The following DCC variants were observed in gnomAD, a reference collection of about 807,000 sequenced individuals.
The protein encoded by DCC is netrin receptor DCC.
DCC carries 58 observed loss-of-function variants against 172.5 expected under a neutral mutation model. The observed-to-expected ratio is 0.34, with a 90% CI of 0.27 to 0.42. DCC has a LOEUF of 0.42. Among genes scored for constraint, DCC ranks in the 10% least tolerant of loss-of-function variants. The probability of loss-of-function intolerance (pLI) is 1.00; values close to 1 mark genes in which losing one functional copy is unlikely to be tolerated. For missense variants in DCC, 1,740 were observed against 1,791.0 expected (o/e 0.97, Z 0.51); for synonymous variants, 709 against 644.5 (o/e 1.10, Z -1.52).
At chr18:53,466,089 A>G (rs572180132) in intron 24 of DCC, among the ~76,000 whole-genome samples, 80 of 152,202 alleles carry the variant, frequency 5.3e-4, no homozygotes, top group African/African-American at 1.9e-3. Flanking sequence ...TAATGTTGCC[A>G]CTTTATTTCT....
chr18:53,448,037 A>T (rs2055447), intron 22 of DCC, among the ~76,000 whole-genome samples: 5 of 145,748 alleles, frequency 3.4e-5, no homozygotes, highest in Admixed American at 6.8e-5. Context: ...ATTTATTTAA[A>T]TTTTGATGAG....
chr18:53,382,106 C>CACACA (rs1907807689), intron 15 of DCC, among the ~76,000 whole-genome samples: 1 of 25,836 alleles, frequency 3.9e-5, no homozygotes, highest in African/African-American at 9.4e-5. Flanking sequence ...ACACACACAC[C>CACACA]CCTACCTCCT....
chr18:53,157,320 C>A (rs371578421), intron 7 of DCC, 36 bp from the exon 8 acceptor site: 1 of 1,613,416 alleles, frequency 6.2e-7, no homozygotes, highest in Non-Finnish European at 8.5e-7. Context: ...CCTATGGCAG[C>A]GACACCTCTG....
chr18:53,219,942 G>C (rs543175118), intron 12 of DCC, among the ~76,000 whole-genome samples: 1 of 152,240 alleles, frequency 6.6e-6, no homozygotes, highest in African/African-American at 2.4e-5. Flanking sequence ...TGTATTATGG[G>C]ATAACTGCAG....
chr18:52,788,164 TA>T (rs1270073657), intron 2 of DCC, among the ~76,000 whole-genome samples: 2 of 152,226 alleles, frequency 1.3e-5, no homozygotes, highest in African/African-American at 4.8e-5. Context: ...TGTTTAGCTT[TA>T]TTATATCAAA....
intron 14 of DCC, among the ~76,000 whole-genome samples, chr18:53,337,742 G>T (rs1388455072): frequency 6.6e-6 from 1 of 152,142 alleles, no homozygotes; most frequent in African/African-American, 2.4e-5. Context: ...TACCTATTTT[G>T]AAAACTTTAA....
intron 13 of DCC, among the ~76,000 whole-genome samples, chr18:53,313,755 G>A (rs150588349): frequency 4.7e-4 from 71 of 152,256 alleles, no homozygotes; most frequent in African/African-American, 1.6e-3. Flanking sequence ...TGTCTCTCTT[G>A]GGTTCTAGCA....
chr18:52,582,739 A>G (rs576718108), intron 1 of DCC, among the ~76,000 whole-genome samples: 4 of 152,274 alleles, frequency 2.6e-5, no homozygotes, highest in South Asian at 2.1e-4. Flanking sequence ...AAGTTCCTCA[A>G]ATGGGAATAC....
At chr18:52,542,749 G>T (rs1232973525) in intron 1 of DCC, among the ~76,000 whole-genome samples, 1 of 152,018 alleles carries the variant, frequency 6.6e-6, no homozygotes, top group African/African-American at 2.4e-5. Flanking sequence ...TGAGGCAGGA[G>T]AATCACTTGA....
At chr18:53,380,598 G>A (rs544807249) in intron 15 of DCC, among the ~76,000 whole-genome samples, 1 of 152,268 alleles carries the variant, frequency 6.6e-6, no homozygotes, top group East Asian at 1.9e-4. Context: ...ATGTTTATGA[G>A]CAGTTAAAGT....
In DCC at chr18:52,974,378, A is replaced by G. The variant is rs540687654; in HGVS notation, c.985+49008A>G. ...AGGTCCATTCCAGCTTTAACAAGCTATTAATGAAATGTTGATTGTCAAACA... is the reference window on the plus strand; with the variant it reads ...AGGTCCATTCCAGCTTTAACAAGCTGTTAATGAAATGTTGATTGTCAAACA... On this transcript the variant is annotated intron_variant, in intron 5 of 28. Transcript: ENST00000442544. Among the ~76,000 whole-genome samples the G allele has an allele frequency of 1.1e-4, 16 of 152,336 alleles. 1 individual carries two copies. In the East Asian group the frequency reaches 2.5e-3, roughly 24 times the overall value.
chr18:52,561,047 G>A (rs1298424088), intron 1 of DCC, among the ~76,000 whole-genome samples: 2 of 151,944 alleles, frequency 1.3e-5, no homozygotes, highest in Admixed American at 1.3e-4. Context: ...GATGTTTGGT[G>A]TTATTCAATA....
intron 2 of DCC, among the ~76,000 whole-genome samples, chr18:52,810,135 T>A (rs1025031641): frequency 6.6e-6 from 1 of 152,146 alleles, no homozygotes; most frequent in Non-Finnish European, 1.5e-5. Context: ...TGGATATAGT[T>A]TACAAAAAGT....
chr18:52,582,002 C>T (rs1032594540), intron 1 of DCC, among the ~76,000 whole-genome samples: 5 of 152,102 alleles, frequency 3.3e-5, no homozygotes, highest in Admixed American at 6.6e-5. Context: ...TATCTTCTAC[C>T]GTATGCAACT....
chr18:52,733,117 C>T (rs2036671697), intron 1 of DCC, among the ~76,000 whole-genome samples: 1 of 152,096 alleles, frequency 6.6e-6, no homozygotes, highest in African/African-American at 2.4e-5. Context: ...AAGCATCAAA[C>T]TCACCACTAT....
intron 1 of DCC, among the ~76,000 whole-genome samples, chr18:52,549,355 T>C (rs2032700449): frequency 6.6e-6 from 1 of 152,062 alleles, no homozygotes; most frequent in African/African-American, 2.4e-5. Context: ...AACCAGCTCC[T>C]TCTATCACAT....
At chr18:53,428,081 TATA>T (rs1205474102) in intron 21 of DCC, among the ~76,000 whole-genome samples, 3 of 17,178 alleles carry the variant, frequency 1.7e-4, no homozygotes, top group African/African-American at 3.2e-4. Flanking sequence ...TATAATATAT[TATA>T]ATAATATATA....
At chr18:52,426,296 A>ATT (rs59755014) in intron 1 of DCC, among the ~76,000 whole-genome samples, 17,528 of 141,930 alleles carry the variant, frequency 0.12, 1,341 homozygotes, top group Admixed American at 0.18. Context: ...TAGTGCCAGA[A>ATT]TTTTTTTTTT....
At chr18:52,747,619 A>G (rs1048097451) in intron 1 of DCC, among the ~76,000 whole-genome samples, 1 of 152,180 alleles carries the variant, frequency 6.6e-6, no homozygotes, top group Non-Finnish European at 1.5e-5. Context: ...AGTTATTTCT[A>G]CTTCTTGTCT....
Sources: gnomAD v4.1 joint callset for allele counts (sites outside exome capture counted in the v4.1 genomes callset) on GRCh38, gnomAD v4.1.1 for gene constraint, MANE v1.5 for transcripts, NCBI Gene and HGNC (gene_info 2026-07-23, HGNC 2026-07-21) for gene names.